COCH: variants seen among roughly 807,000 people sequenced by gnomAD.
COCH encodes the protein coagulation factor C homolog, cochlin (Limulus polyphemus).
Under a neutral mutation model 54.8 loss-of-function variants are expected in COCH, and 40 were observed. That is an observed-to-expected ratio of 0.73 (90% CI 0.57 to 0.95). COCH has a LOEUF of 0.95. Among genes scored for constraint, COCH ranks in the 40% least tolerant of loss-of-function variants. COCH has a pLI of 0.00. For synonymous variants in COCH, 256 were observed against 237.9 expected, an observed-to-expected ratio of 1.08 and a Z score of -0.70; for missense variants, 605 against 675.0, an observed-to-expected ratio of 0.90 and a Z score of 1.15.
chr14:30,884,497 T>C (rs1895714442), intron 8 of COCH, 56 bp from the exon 9 acceptor site: 1 of 1,213,530 alleles, frequency 8.2e-7, no homozygotes, highest in African/African-American at 1.5e-5. Flanking sequence ...GCATGTAATG[T>C]TGCTTATTTT....
chr14:30,892,502 G>T (rs1233632396), downstream of COCH, among the ~76,000 whole-genome samples: 1 of 151,996 alleles, frequency 6.6e-6, no homozygotes, highest in Non-Finnish European at 1.5e-5. Context: ...AAAAAAAATG[G>T]TATTTAAAAA....
intron 9 of COCH, chr14:30,884,915 A>G: frequency 6.3e-7 from 1 of 1,596,508 alleles, no homozygotes; most frequent in African/African-American, 1.3e-5. Flanking sequence ...ACTAGATATA[A>G]CATTGGAGAA....
Position 30,885,442 on chromosome 14 carries a change from G to C in COCH, c.782G>C (p.Gly261Ala). Residue 261 changes from glycine (G) to alanine (A), a missense_variant, in exon 10 of 12, where the codon GGA becomes GCA. Coordinates refer to ENST00000396618, the MANE Select transcript of COCH (RefSeq NM_004086.3). ...TAQKFFTVDA[G>A]VRKGIPKVVV... ...CAGAAATTCTTCACGGTAGATGCTG[G>C]AGTAAGAAAAGGGATCCCCAAAGTG... 1.9e-6 allele frequency: 3 copies of C among 1,614,178 alleles called. No individual in the cohort carries two copies. Among genetic ancestry groups the C allele is most frequent in the Non-Finnish European group, 2.5e-6 (3 of 1,180,014 alleles).
rs2138901696 is a variant in COCH, at chr14:30,890,511, T to C, written c.*720T>C. 1 of 927,888 alleles carries C rather than the reference T, an allele frequency of 1.1e-6. No homozygotes were observed. The highest frequency in any genetic ancestry group is 1.3e-6 in the Non-Finnish European group (1 of 777,740). 57.5% of individuals were successfully genotyped at this position (927,888 alleles called of 1,614,324 possible). A position where few individuals can be genotyped will look rare whatever the true frequency, so the allele number is the denominator to read the frequency against. On this transcript the variant is annotated 3_prime_UTR_variant, in exon 12 of 12. Transcript: ENST00000396618. Reference sequence around the variant, plus strand: ...CTTAAAAGTTAAGTTGGTAAAGTATTTACTGACTGCTTATAAACATTTAAA... The same window carrying C: ...CTTAAAAGTTAAGTTGGTAAAGTATCTACTGACTGCTTATAAACATTTAAA...
Position 30,880,690 on chromosome 14 carries a change from G to A in COCH, c.585G>A (p.Leu195=). 2 of 1,613,924 alleles carry A rather than the reference G, an allele frequency of 1.2e-6. No individual in the cohort carries two copies. The highest frequency in any genetic ancestry group is 2.7e-5 in the African/African-American group (2 of 75,000). ...KNFVGKVALM[L]GIGTEGPHVG... Reference sequence around the variant, plus strand: ...TTGTTGGAAAAGTGGCTCTAATGTTGGGAATTGGAACAGAAGGACCACATG... The same window carrying A: ...TTGTTGGAAAAGTGGCTCTAATGTTAGGAATTGGAACAGAAGGACCACATG... The change falls in exon 8 of 12, where the codon TTG becomes TTA. Residue 195 remains leucine (L), a synonymous_variant. Transcript: ENST00000396618.
At chr14:30,879,080 G>C (rs2138845264) in intron 5 of COCH, 136 bp downstream of exon 5, 2 of 1,310,832 alleles carry the variant, frequency 1.5e-6, no homozygotes, top group Non-Finnish European at 2.2e-6. Flanking sequence ...GAGGTAAACT[G>C]TAGGTTAGAC....
At chr14:30,890,894 C>A (rs1895960383), downstream of COCH, among the ~76,000 whole-genome samples, 1 of 151,808 alleles carries the variant, frequency 6.6e-6, no homozygotes, top group African/African-American at 2.4e-5. Context: ...AAAAAATTAG[C>A]CGGGTGGGAT....
At chr14:30,881,947 G>C (rs1460020033) in intron 8 of COCH, among the ~76,000 whole-genome samples, 1 of 151,412 alleles carries the variant, frequency 6.6e-6, no homozygotes, top group Non-Finnish European at 1.5e-5. Flanking sequence ...CTGGGCAACA[G>C]AGCAAGACTC....
chr14:30,884,340 T>C, intron 8 of COCH: 1 of 544,048 alleles, frequency 1.8e-6, no homozygotes, highest in Non-Finnish European at 3.3e-6. Context: ...ACCCAGAATA[T>C]AATAAATCCT....
At chr14:30,875,617 G>A (rs1157859617) in intron 3 of COCH, 2 of 325,496 alleles carry the variant, frequency 6.1e-6, no homozygotes, top group Non-Finnish European at 1.1e-5. Context: ...AGAAGCACTC[G>A]CGGTCTCACT....
At position 30,880,594 on chromosome 14, in the gene COCH, A is replaced by G. The variant is rs1360340121; in HGVS notation, c.489A>G (p.Lys163=). ...PEKKTGNKDC[K]ADIAFLIDGS... The stretch of plus-strand genomic sequence containing the variant: ...TGGTTTGGTTGTTCGCAGATTGTAA[A>G]GCAGACATTGCATTTCTGATTGATG... The change falls in exon 8 of 12, where the codon AAA becomes AAG. Residue 163 remains lysine, a synonymous_variant. Coordinates refer to ENST00000396618, the MANE Select transcript of COCH (RefSeq NM_004086.3). The G allele has an allele frequency of 6.2e-7, 1 of 1,614,158 alleles. No homozygotes were observed. Among genetic ancestry groups the G allele is most frequent in the Non-Finnish European group, 8.5e-7 (1 of 1,180,024 alleles).
Position 30,874,590 on chromosome 14 carries a change from A to C in COCH, c.-25A>C. 2.2e-6 allele frequency: 1 copy of C among 456,284 alleles called. No individual in the cohort carries two copies. The highest frequency in any genetic ancestry group is 4.0e-6 in the Non-Finnish European group (1 of 250,862). 28.3% of individuals were successfully genotyped at this position (456,284 alleles called of 1,614,324 possible). A position where few individuals can be genotyped will look rare whatever the true frequency, so the allele number is the denominator to read the frequency against. The stretch of plus-strand genomic sequence containing the variant: ...GGGCGCAGCCGGGTGGATCTCGAGC[A>C]GGTGCGGAGCCCCGGGCGGCGGGCG... On this transcript the variant is annotated splice_region_variant and 5_prime_UTR_variant, in exon 1 of 12. Transcript: ENST00000396618.
intron 9 of COCH, 185 bp downstream of exon 9, chr14:30,884,841 G>A: frequency 9.7e-6 from 14 of 1,444,898 alleles, no homozygotes; most frequent in Non-Finnish European, 1.3e-5. Flanking sequence ...ATACCAAAGT[G>A]TTGATATTTC....
At position 30,885,956 on chromosome 14, in the gene COCH, G is replaced by C; in HGVS notation, c.1121G>C (p.Gly374Ala). ...NSVNIAFLID[G>A]SSSVGDSNFR... The stretch of plus-strand genomic sequence containing the variant: ...GTGAACATTGCCTTTCTAATTGATG[G>C]CTCCAGCAGTGTTGGAGATAGCAAT... Residue 374 changes from glycine to alanine, a missense_variant, in exon 11 of 12, where the codon GGC becomes GCC. Transcript: ENST00000396618. 1 of 1,614,174 alleles carries C rather than the reference G, an allele frequency of 6.2e-7. No homozygotes were observed. Among genetic ancestry groups the C allele is most frequent in the Non-Finnish European group, 8.5e-7 (1 of 1,180,024 alleles).
At chr14:30,884,459 T>G in intron 8 of COCH, 94 bp from the exon 9 acceptor site, 1 of 802,230 alleles carries the variant, frequency 1.2e-6, no homozygotes, top group Non-Finnish European at 2.1e-6. Flanking sequence ...AACTTGTGTG[T>G]TGTCTGGTTT....
chr14:30,890,585 T>G lies in COCH; in HGVS notation c.*794T>G, dbSNP rs1490936252. Reference sequence around the variant, plus strand: ...CAGAAAAAATATTGTAGTTTGAATATTTAAGCAATAAAACTGCTAGTGAGT... The same window carrying G: ...CAGAAAAAATATTGTAGTTTGAATAGTTAAGCAATAAAACTGCTAGTGAGT... On this transcript the variant is annotated 3_prime_UTR_variant, in exon 12 of 12. Coordinates refer to ENST00000396618, the MANE Select transcript of COCH (RefSeq NM_004086.3). 1 of 972,406 alleles carries G rather than the reference T, an allele frequency of 1.0e-6. No individual in the cohort carries two copies. Among genetic ancestry groups the G allele is most frequent in the Non-Finnish European group, 1.2e-6 (1 of 817,882 alleles). The allele number at this position is 972,406 out of a possible 1,614,324, so 60.2% of individuals were successfully genotyped here.
At chr14:30,885,306 A>T in intron 9 of COCH, 88 bp from the exon 10 acceptor site, 1 of 1,197,010 alleles carries the variant, frequency 8.4e-7, no homozygotes, top group East Asian at 2.4e-5. Flanking sequence ...ATAATTCTTA[A>T]ACTTTGCAGC....
chr14:30,877,795 A>C lies in COCH; in HGVS notation c.239+67A>C, dbSNP rs1177246107. 3.0e-5 allele frequency: 48 copies of C among 1,606,556 alleles called. No homozygotes were observed. Among genetic ancestry groups the C allele is most frequent in the Non-Finnish European group, 3.4e-5 (40 of 1,178,394 alleles). On this transcript the variant is annotated intron_variant, in intron 4 of 11. Transcript: ENST00000396618. The surrounding 1 kb of genome is among the most constrained non-coding windows in gnomAD (Gnocchi z 8.6). ...GATTATTTCCTTTCCTGCTTTACCC[A>C]TCTGGATCCCTTTCCTCCCTGCATT...
At chr14:30,880,147 C>T (rs75429373) in intron 6 of COCH, among the ~76,000 whole-genome samples, 2 of 152,084 alleles carry the variant, frequency 1.3e-5, no homozygotes, top group Admixed American at 6.6e-5. Context: ...TTTTGTATGA[C>T]GATGGCAGTT....
Sources: gnomAD v4.1 joint callset for allele counts (sites outside exome capture counted in the v4.1 genomes callset) on GRCh38, gnomAD v4.1.1 for gene constraint, Gnocchi (gnomAD v3.1) non-coding constraint, MANE v1.5 for transcripts, NCBI Gene and HGNC (gene_info 2026-07-23, HGNC 2026-07-21) for gene names.